Variants in LDLRAD3 observed in about 807,000 individuals in gnomAD.
LDLRAD3 encodes the protein low density lipoprotein receptor class A domain containing 3, also known as low-density lipoprotein receptor class A domain-containing protein 3.
In LDLRAD3, 20 loss-of-function variants were observed where a neutral mutation model predicts 29.4. The observed-to-expected ratio is 0.68, with a 90% CI of 0.48 to 0.99. The LOEUF is 0.99. Among genes scored for constraint, LDLRAD3 ranks in the 50% least tolerant of loss-of-function variants. The probability of loss-of-function intolerance (pLI) is 0.00; values close to 1 mark genes in which losing one functional copy is unlikely to be tolerated. For missense variants in LDLRAD3, 420 were observed against 454.3 expected, an observed-to-expected ratio of 0.92 and a Z score of 0.69; for synonymous variants, 157 against 192.7, an observed-to-expected ratio of 0.81 and a Z score of 1.53.
At chr11:36,193,320 T>C (rs1854984111) in intron 4 of LDLRAD3, among the ~76,000 whole-genome samples, 1 of 152,186 alleles carries the variant, frequency 6.6e-6, no homozygotes, top group South Asian at 2.1e-4. Context: ...TCAGGCCTAC[T>C]TTCCTTTTGT....
At chr11:36,205,270 T>C (rs1462715866) in intron 4 of LDLRAD3, among the ~76,000 whole-genome samples, 1 of 152,204 alleles carries the variant, frequency 6.6e-6, no homozygotes, top group Non-Finnish European at 1.5e-5. Context: ...TCATTATGAA[T>C]GCCCCAAGGC....
At chr11:35,989,091 G>A (rs1851654915) in intron 1 of LDLRAD3, 1 of 152,114 alleles carries the variant, frequency 6.6e-6, no homozygotes, top group Non-Finnish European at 1.5e-5. Flanking sequence ...TCTGCTTATA[G>A]CTAGCCAGAT....
At chr11:36,119,350 ATGTGGGAACTC>A (rs1853719701) in intron 4 of LDLRAD3, among the ~76,000 whole-genome samples, 2 of 152,202 alleles carry the variant, frequency 1.3e-5, no homozygotes, top group Admixed American at 1.3e-4. Context: ...TTGTTGGGTT[ATGTGGGAACTC>A]TGTTTTAACT....
intron 4 of LDLRAD3, among the ~76,000 whole-genome samples, chr11:36,103,171 A>G (rs1408235941): frequency 6.6e-6 from 1 of 150,740 alleles, no homozygotes; most frequent in African/African-American, 2.4e-5. Flanking sequence ...TCATCATTCT[A>G]CTTCTATCTT....
chr11:36,191,599 T>TATAC (rs1554972506), intron 4 of LDLRAD3, among the ~76,000 whole-genome samples: 101 of 93,102 alleles, frequency 1.1e-3, no homozygotes, highest in East Asian at 1.6e-3. Context: ...TATATATATA[T>TATAC]ACACACACAC....
intron 1 of LDLRAD3, among the ~76,000 whole-genome samples, chr11:35,996,457 T>C (rs1455912763): frequency 6.6e-6 from 1 of 152,092 alleles, no homozygotes; most frequent in Non-Finnish European, 1.5e-5. Flanking sequence ...ACAGATATAA[T>C]AATAATAAAA....
At chr11:36,216,031 C>G (rs893015123) in intron 4 of LDLRAD3, among the ~76,000 whole-genome samples, 3 of 152,170 alleles carry the variant, frequency 2.0e-5, no homozygotes, top group Non-Finnish European at 4.4e-5. Context: ...TCATACAGCC[C>G]CCACAGTGGC....
At chr11:36,145,606 C>T (rs942204989) in intron 4 of LDLRAD3, among the ~76,000 whole-genome samples, 198 of 151,580 alleles carry the variant, frequency 1.3e-3, no homozygotes, top group African/African-American at 4.7e-3. Context: ...GGATGGTTGC[C>T]GTGTCTGTGT....
intron 2 of LDLRAD3, among the ~76,000 whole-genome samples, chr11:36,070,239 T>C (rs559952640): frequency 2.6e-4 from 39 of 152,370 alleles, no homozygotes; most frequent in Non-Finnish European, 4.7e-4. Context: ...TTTAATCCTA[T>C]TTTCTGTTGG....
At chr11:36,173,548 G>A (rs567941737) in intron 4 of LDLRAD3, among the ~76,000 whole-genome samples, 207 of 151,928 alleles carry the variant, frequency 1.4e-3, no homozygotes, top group Middle Eastern at 3.4e-3. Context: ...AGTATTCCAT[G>A]GTGTATATAT....
intron 4 of LDLRAD3, among the ~76,000 whole-genome samples, chr11:36,165,193 ATGT>A (rs1049036832): frequency 6.6e-6 from 1 of 152,128 alleles, no homozygotes; most frequent in Admixed American, 6.5e-5. Context: ...ATATTTTCCC[ATGT>A]TGTTATAAAC....
chr11:36,169,156 C>T (rs1565275302), intron 4 of LDLRAD3, among the ~76,000 whole-genome samples: 1 of 152,058 alleles, frequency 6.6e-6, no homozygotes. Context: ...GATCTGTGAG[C>T]TTTTTTATTG....
Position 35,944,630 on chromosome 11 carries a change from T to A in LDLRAD3, c.46+486T>A, listed in dbSNP as rs1851033626. On this transcript the variant is annotated intron_variant, in intron 1 of 5. Transcript: ENST00000315571. This position sits in a 1 kb window ranked among gnomAD's most constrained non-coding sequence, Gnocchi z 4.9. ...CACTCCGTGCCTCAGTTTCCCCACC[T>A]GCACCGCGGAGGGAGTAGCAAAGCT... 6.6e-6 allele frequency among the ~76,000 whole-genome samples: 1 copy of A among 152,118 alleles called. No individual in the cohort carries two copies. Among genetic ancestry groups the A allele is most frequent in the African/African-American group, 2.4e-5 (1 of 41,446 alleles).
chr11:36,099,374 C>A (rs2133275023), intron 4 of LDLRAD3, among the ~76,000 whole-genome samples: 1 of 152,260 alleles, frequency 6.6e-6, no homozygotes, highest in South Asian at 2.1e-4. Flanking sequence ...TTTAAGGCAT[C>A]CGAAAGAATA....
intron 3 of LDLRAD3, among the ~76,000 whole-genome samples, chr11:36,086,380 A>G (rs1853195729): frequency 6.6e-6 from 1 of 151,714 alleles, no homozygotes. Context: ...TTTGAAGCCT[A>G]GCGGGAGTGC....
At chr11:36,094,845 T>G (rs1457594729) in intron 3 of LDLRAD3, among the ~76,000 whole-genome samples, 1 of 152,190 alleles carries the variant, frequency 6.6e-6, no homozygotes, top group East Asian at 1.9e-4. Flanking sequence ...CCCATTTTAG[T>G]CATTTCTGAT....
chr11:35,985,758 T>A (rs534044885), intron 1 of LDLRAD3, among the ~76,000 whole-genome samples: 1 of 152,044 alleles, frequency 6.6e-6, no homozygotes, highest in African/African-American at 2.4e-5. Flanking sequence ...CCTGCCACCA[T>A]GTAAGATGTG....
At chr11:36,128,907 A>C (rs997468447) in intron 4 of LDLRAD3, among the ~76,000 whole-genome samples, 2 of 151,642 alleles carry the variant, frequency 1.3e-5, no homozygotes, top group Non-Finnish European at 2.9e-5. Flanking sequence ...TGGAACAGTG[A>C]TGGGCAGAGG....
intron 4 of LDLRAD3, among the ~76,000 whole-genome samples, chr11:36,220,450 T>G (rs1350064648): frequency 1.3e-5 from 2 of 152,122 alleles, no homozygotes; most frequent in African/African-American, 2.4e-5. Context: ...TTGTGATACA[T>G]CCATGCAACT....
Sources: gnomAD v4.1 joint callset for allele counts (sites outside exome capture counted in the v4.1 genomes callset) on GRCh38, gnomAD v4.1.1 for gene constraint, Gnocchi (gnomAD v3.1) non-coding constraint, MANE v1.5 for transcripts, NCBI Gene and HGNC (gene_info 2026-07-23, HGNC 2026-07-21) for gene names.